HS6ST3: variants seen among roughly 807,000 people sequenced by gnomAD.
The protein encoded by HS6ST3 is heparan-sulfate 6-O-sulfotransferase 3.
Under a neutral mutation model 36.7 loss-of-function variants are expected in HS6ST3, and 12 were observed. The observed-to-expected ratio is 0.33, with a 90% CI of 0.21 to 0.53. HS6ST3 has a LOEUF of 0.53. Ranked by LOEUF, HS6ST3 falls within the 20% of genes least tolerant of loss-of-function variation. The pLI, the probability that HS6ST3 is intolerant of heterozygous loss-of-function variation, is 0.95. For synonymous variants in HS6ST3, 240 were observed against 257.5 expected, an observed-to-expected ratio of 0.93 and a Z score of 0.65; for missense variants, 584 against 640.9, an observed-to-expected ratio of 0.91 and a Z score of 0.96.
At chr13:96,175,294 A>C (rs1322521538) in intron 1 of HS6ST3, among the ~76,000 whole-genome samples, 1 of 152,080 alleles carries the variant, frequency 6.6e-6, no homozygotes, top group Non-Finnish European at 1.5e-5. Context: ...GAGCGTGTGC[A>C]CTTTCCCATC....
intron 1 of HS6ST3, among the ~76,000 whole-genome samples, chr13:96,433,939 CA>C (rs1328021758): frequency 6.6e-6 from 1 of 151,890 alleles, no homozygotes. Flanking sequence ...CTGTCAGAAA[CA>C]AAAACAAAAA....
intron 1 of HS6ST3, among the ~76,000 whole-genome samples, chr13:96,419,187 G>C (rs970227326): frequency 1.3e-5 from 2 of 152,342 alleles, no homozygotes; most frequent in African/African-American, 2.4e-5. Flanking sequence ...AATTTAGTGT[G>C]AATGCTTTTC....
intron 1 of HS6ST3, among the ~76,000 whole-genome samples, chr13:96,176,223 A>G (rs1472590432): frequency 1.3e-5 from 2 of 152,182 alleles, no homozygotes; most frequent in Non-Finnish European, 2.9e-5. Context: ...CACACAACTC[A>G]TCAATTACCT....
chr13:96,688,244 A>ATAAT (rs1566430088), intron 1 of HS6ST3, among the ~76,000 whole-genome samples: 1 of 150,864 alleles, frequency 6.6e-6, no homozygotes, highest in Non-Finnish European at 1.5e-5. Context: ...CATCATAATA[A>ATAAT]AAAGACTCTC....
At chr13:96,642,245 G>C (rs2139007381) in intron 1 of HS6ST3, among the ~76,000 whole-genome samples, 1 of 151,820 alleles carries the variant, frequency 6.6e-6, no homozygotes, top group Non-Finnish European at 1.5e-5. Context: ...GAAATCATCT[G>C]TTAATCTTAT....
At chr13:96,101,639 A>G (rs753648604) in intron 1 of HS6ST3, among the ~76,000 whole-genome samples, 9 of 152,118 alleles carry the variant, frequency 5.9e-5, no homozygotes, top group Non-Finnish European at 2.9e-5. Flanking sequence ...ACTGTTCAAC[A>G]TATATATTTA....
chr13:96,268,767 A>G (rs142866526), intron 1 of HS6ST3, among the ~76,000 whole-genome samples: 3 of 152,008 alleles, frequency 2.0e-5, no homozygotes, highest in South Asian at 2.1e-4. Flanking sequence ...TATATTTTGT[A>G]TATTATATCT....
intron 1 of HS6ST3, among the ~76,000 whole-genome samples, chr13:96,486,752 T>C (rs2055917180): frequency 6.6e-6 from 1 of 152,058 alleles, no homozygotes; most frequent in African/African-American, 2.4e-5. Context: ...TCTTGGATAA[T>C]AGATAGATTG....
intron 1 of HS6ST3, among the ~76,000 whole-genome samples, chr13:96,396,395 T>G (rs1218245374): frequency 1.3e-5 from 2 of 152,166 alleles, no homozygotes; most frequent in Admixed American, 1.3e-4. Context: ...TTAATTCATT[T>G]CTTTCCAATT....
At chr13:96,309,583 G>T (rs2054930406) in intron 1 of HS6ST3, among the ~76,000 whole-genome samples, 1 of 152,086 alleles carries the variant, frequency 6.6e-6, no homozygotes, top group Admixed American at 6.6e-5. Context: ...GCAAAATGTT[G>T]CTTGCATGTG....
chr13:96,274,794 G>C (rs1202533679), intron 1 of HS6ST3, among the ~76,000 whole-genome samples: 1 of 146,740 alleles, frequency 6.8e-6, no homozygotes, highest in Non-Finnish European at 1.5e-5. Context: ...ACTTTTTAAA[G>C]CTGACCATAA....
intron 1 of HS6ST3, among the ~76,000 whole-genome samples, chr13:96,533,012 C>T (rs529545743): frequency 6.6e-6 from 1 of 152,158 alleles, no homozygotes; most frequent in African/African-American, 2.4e-5. Flanking sequence ...TTGCACGCAG[C>T]ATTTCTAGGC....
Position 96,822,225 on chromosome 13 carries a change from G to A in HS6ST3, c.708-10265G>A, listed in dbSNP as rs116854653. Reference sequence around the variant, plus strand: ...TCCAAGGCGGCTCCAGGCTTCAGGTGGATACCCGCATGCATAAACCACAGC... The same window carrying A: ...TCCAAGGCGGCTCCAGGCTTCAGGTAGATACCCGCATGCATAAACCACAGC... On this transcript the variant is annotated intron_variant, in intron 1 of 1. Coordinates refer to ENST00000376705, the MANE Select transcript of HS6ST3 (RefSeq NM_153456.4). Among the ~76,000 whole-genome samples the A allele has an allele frequency of 9.1e-3, 1,383 of 152,314 alleles. 11 individuals carry two copies. Among genetic ancestry groups the A allele is most frequent in the Non-Finnish European group, 0.016 (1,056 of 68,032 alleles).
At chr13:96,582,785 T>C (rs1330903681) in intron 1 of HS6ST3, among the ~76,000 whole-genome samples, 5 of 152,220 alleles carry the variant, frequency 3.3e-5, no homozygotes, top group Non-Finnish European at 7.3e-5. Flanking sequence ...TTCCATCCTC[T>C]ATTTACATAT....
intron 1 of HS6ST3, among the ~76,000 whole-genome samples, chr13:96,319,228 A>G (rs1044720206): frequency 6.6e-6 from 1 of 152,210 alleles, no homozygotes; most frequent in Non-Finnish European, 1.5e-5. Flanking sequence ...GGTCTTCTAT[A>G]AATTGCTTTA....
At chr13:96,331,850 C>T (rs1259938457) in intron 1 of HS6ST3, among the ~76,000 whole-genome samples, 1 of 152,190 alleles carries the variant, frequency 6.6e-6, no homozygotes, top group African/African-American at 2.4e-5. Flanking sequence ...GGGCGCAGGA[C>T]CCTCCGAGCC....
chr13:96,358,874 A>ATCTATCTG (rs1353211966), intron 1 of HS6ST3, among the ~76,000 whole-genome samples: 1 of 60,984 alleles, frequency 1.6e-5, no homozygotes, highest in Non-Finnish European at 3.3e-5. Flanking sequence ...TATATAATCT[A>ATCTATCTG]TCTATCTATC....
At chr13:96,386,927 TTCTC>T (rs1043190289) in intron 1 of HS6ST3, among the ~76,000 whole-genome samples, 5 of 152,068 alleles carry the variant, frequency 3.3e-5, no homozygotes, top group African/African-American at 4.8e-5. Context: ...TGCCTAGAAT[TTCTC>T]TCTCTCTTTT....
chr13:96,346,046 TA>T (rs1437743843), intron 1 of HS6ST3, among the ~76,000 whole-genome samples: 2 of 152,136 alleles, frequency 1.3e-5, no homozygotes, highest in Non-Finnish European at 2.9e-5. Context: ...TGTGATAATC[TA>T]GTGCTGTTGC....
Sources: gnomAD v4.1 joint callset for allele counts (sites outside exome capture counted in the v4.1 genomes callset) on GRCh38, gnomAD v4.1.1 for gene constraint, MANE v1.5 for transcripts, NCBI Gene and HGNC (gene_info 2026-07-23, HGNC 2026-07-21) for gene names.